The following ZNF451 variants were observed in gnomAD, a reference collection of about 807,000 sequenced individuals.
ZNF451 encodes the protein E3 SUMO-protein ligase ZNF451.
Under a neutral mutation model 107.1 loss-of-function variants are expected in ZNF451, and 80 were observed. That is an observed-to-expected ratio of 0.75 (90% CI 0.62 to 0.90). The LOEUF is 0.90. Among genes scored for constraint, ZNF451 ranks in the 40% least tolerant of loss-of-function variants. The pLI is 0.00. For synonymous variants in ZNF451, 362 were observed against 406.5 expected, an observed-to-expected ratio of 0.89 and a Z score of 1.32; for missense variants, 1,107 against 1,236.2, an observed-to-expected ratio of 0.90 and a Z score of 1.57.
At chr6:57,101,433 A>C in intron 3 of ZNF451, 1 of 1,550,774 alleles carries the variant, frequency 6.4e-7, no homozygotes, top group Non-Finnish European at 8.7e-7. Context: ...CTCCTTTCCA[A>C]CCAAACCCAC....
rs1029126729 is a variant in ZNF451, at chr6:57,106,659, G to A, written c.186+7518G>A. ...GTGAGGCATATTTTGCCACAGTCTC[G>A]CACTGTTTAGGTTCTCTTGTCTTTT... On this transcript the variant is annotated intron_variant, in intron 3 of 14. Coordinates refer to ENST00000370706, the MANE Select transcript of ZNF451 (RefSeq NM_001031623.3). 35 of 979,860 alleles carry A rather than the reference G, an allele frequency of 3.6e-5. No individual in the cohort carries two copies. In the African/African-American group the frequency reaches 3.6e-4, roughly 10 times the overall value. 60.7% of individuals were successfully genotyped at this position (979,860 alleles called of 1,614,324 possible). A position where few individuals can be genotyped will look rare whatever the true frequency, so the allele number is the denominator to read the frequency against.
Position 57,154,033 on chromosome 6 carries a change from C to T in ZNF451, c.3056C>T (p.Ser1019Phe). The change falls in exon 13 of 15, where the codon TCT becomes TTT. Residue 1019 changes from serine to phenylalanine, a missense_variant. Ser to Phe is a radical substitution (Grantham distance 155, BLOSUM62 -2). This residue lies in a region of ZNF451 where 151 missense variants were observed against 173.3 expected (regional missense o/e 0.87). Transcript: ENST00000370706. ...ATGTGTGCCTTGTTAAATAGCATATCTGATACCACCAAAGGTACGCAGCTG... is the reference window on the plus strand; with the variant it reads ...ATGTGTGCCTTGTTAAATAGCATATTTGATACCACCAAAGGTACGCAGCTG... Reference protein sequence around the residue: ...DMMCALLNSISDTTKECDSDD... With the variant: ...DMMCALLNSIFDTTKECDSDD... 6.2e-7 allele frequency: 1 copy of T among 1,614,168 alleles called. No individual in the cohort carries two copies. The highest frequency in any genetic ancestry group is 1.1e-5 in the South Asian group (1 of 91,086).
At chr6:57,139,528 A>G (rs557247023) in intron 7 of ZNF451, among the ~76,000 whole-genome samples, 2 of 152,354 alleles carry the variant, frequency 1.3e-5, no homozygotes, top group African/African-American at 4.8e-5. Context: ...TCTAGTGTTA[A>G]TGATAGTAAA....
chr6:57,147,780 G>A lies in ZNF451; in HGVS notation c.1695G>A (p.Glu565=). The change falls in exon 10 of 15, where the codon GAG becomes GAA. Residue 565 remains glutamate (E), a synonymous_variant. Coordinates refer to ENST00000370706, the MANE Select transcript of ZNF451 (RefSeq NM_001031623.3). ...ACAGATATTTTTATGAGATGGATGAGGTAGAAGGTGAAACTTTGCCATCAT... is the reference window on the plus strand; with the variant it reads ...ACAGATATTTTTATGAGATGGATGAAGTAGAAGGTGAAACTTTGCCATCAT... ...NGHRYFYEMD[E]VEGETLPSSS... The A allele has an allele frequency of 6.2e-7, 1 of 1,613,832 alleles. No homozygotes were observed. The highest frequency in any genetic ancestry group is 1.1e-5 in the South Asian group (1 of 91,074).
At chr6:57,115,301 C>T (rs1329013439) in intron 3 of ZNF451, 1 of 152,070 alleles carries the variant, frequency 6.6e-6, no homozygotes, top group African/African-American at 2.4e-5. Flanking sequence ...TCTATTAGTA[C>T]TAATAGGGAA....
Position 57,150,700 on chromosome 6 carries a change from G to A in ZNF451, c.2609-19G>A. On this transcript the variant is annotated intron_variant, in intron 10 of 14. Transcript: ENST00000370706. ...AGCAAATTCTTACTGAACTCATGTTGATATTTCTCTCTTCTCAGAGGAAGA... is the reference window on the plus strand; with the variant it reads ...AGCAAATTCTTACTGAACTCATGTTAATATTTCTCTCTTCTCAGAGGAAGA... 1 of 1,581,654 alleles carries A rather than the reference G, an allele frequency of 6.3e-7. No homozygotes were observed. The highest frequency in any genetic ancestry group is 2.2e-5 in the East Asian group (1 of 44,546).
At chr6:57,159,460 T>TTA in intron 13 of ZNF451, 1 of 911,702 alleles carries the variant, frequency 1.1e-6, no homozygotes, top group Non-Finnish European at 1.3e-6. Flanking sequence ...GGGCCACATG[T>TTA]GGCCCAGTTC....
chr6:57,110,136 C>G (rs1286811837), intron 3 of ZNF451, among the ~76,000 whole-genome samples: 2 of 152,100 alleles, frequency 1.3e-5, no homozygotes, highest in Non-Finnish European at 2.9e-5. Context: ...GGTGGAGAAA[C>G]AGGAGCCAGA....
At chr6:57,127,611 C>T (rs1037940543) in intron 4 of ZNF451, among the ~76,000 whole-genome samples, 1 of 152,118 alleles carries the variant, frequency 6.6e-6, no homozygotes, top group African/African-American at 2.4e-5. Context: ...TGATTATACT[C>T]GTTAGGGCAT....
At chr6:57,100,392 G>C (rs1175528538) in intron 3 of ZNF451, among the ~76,000 whole-genome samples, 1 of 152,058 alleles carries the variant, frequency 6.6e-6, no homozygotes. Context: ...GCCAGTAGTT[G>C]ATTTTGGGTC....
chr6:57,091,327 A>T (rs1593065646), intron 2 of ZNF451: 1 of 102,032 alleles, frequency 9.8e-6, no homozygotes, highest in South Asian at 4.1e-4. Flanking sequence ...AGATTTCTCT[A>T]ACCTCTGAGA....
Position 57,152,279 on chromosome 6 carries a change from G to T in ZNF451, c.2811G>T (p.Arg937Ser). 1 of 1,613,984 alleles carries T rather than the reference G, an allele frequency of 6.2e-7. No individual in the cohort carries two copies. The highest frequency in any genetic ancestry group is 8.5e-7 in the Non-Finnish European group (1 of 1,179,958). Reference sequence around the variant, plus strand: ...GTAAGATTTATAACTACCTGAACAGGATTGGATGCTTCTTCCTTCATCCTC... The same window carrying T: ...GTAAGATTTATAACTACCTGAACAGTATTGGATGCTTCTTCCTTCATCCTC... ...LNCKIYNYLN[R>S]IGCFFLHPRC... is the part of the protein sequence containing the mutation. Residue 937 changes from arginine (R) to serine (S), a missense_variant, in exon 12 of 15, where the codon AGG (arginine) becomes AGT (serine). Arg to Ser is a moderately radical substitution (Grantham distance 110). Transcript: ENST00000370706.
At chr6:57,158,239 C>T (rs1763521382) in intron 13 of ZNF451, among the ~76,000 whole-genome samples, 1 of 152,204 alleles carries the variant, frequency 6.6e-6, no homozygotes, top group Non-Finnish European at 1.5e-5. Flanking sequence ...CTGGCTTTAA[C>T]CATGTCCTTG....
At chr6:57,153,664 T>C (rs144265280) in intron 12 of ZNF451, among the ~76,000 whole-genome samples, 197 bp from the exon 13 acceptor site, 2 of 152,046 alleles carry the variant, frequency 1.3e-5, no homozygotes, top group African/African-American at 4.8e-5. Flanking sequence ...CCACCTGCTT[T>C]AGCCTCCCAA....
chr6:57,166,021 A>C (rs1763880174), intron 14 of ZNF451, among the ~76,000 whole-genome samples: 1 of 151,776 alleles, frequency 6.6e-6, no homozygotes, highest in African/African-American at 2.4e-5. Flanking sequence ...CTGTACGATT[A>C]GGCTATACTA....
At chr6:57,091,693 C>A (rs9367706) in intron 2 of ZNF451, among the ~76,000 whole-genome samples, 16,891 of 152,076 alleles carry the variant, frequency 0.11, 1,098 homozygotes, top group African/African-American at 0.17. Context: ...TATCTCAGCT[C>A]GCCAGGCAGA....
intron 14 of ZNF451, among the ~76,000 whole-genome samples, chr6:57,162,635 T>TA (rs1297747896): frequency 6.6e-6 from 1 of 152,224 alleles, no homozygotes; most frequent in Non-Finnish European, 1.5e-5. Context: ...CACTAAAAGA[T>TA]AAACAGTACT....
rs2127990646 is a variant in ZNF451, at chr6:57,168,578, G to C, written c.*109G>C. ...GAAATCCACTATTACAAATGTATTTGAAAACATGTTTTTGCTTTCATATGT... is the reference window on the plus strand; with the variant it reads ...GAAATCCACTATTACAAATGTATTTCAAAACATGTTTTTGCTTTCATATGT... On this transcript the variant is annotated 3_prime_UTR_variant, in exon 15 of 15. Transcript: ENST00000370706. 1 of 889,142 alleles carries C rather than the reference G, an allele frequency of 1.1e-6. No homozygotes were observed. Among genetic ancestry groups the C allele is most frequent in the East Asian group, 2.6e-5 (1 of 38,936 alleles). The allele number at this position is 889,142 out of a possible 1,614,324, so 55.1% of individuals were successfully genotyped here.
Position 57,147,944 on chromosome 6 carries a change from A to G in ZNF451, c.1859A>G (p.Tyr620Cys), listed in dbSNP as rs567926496. The part of the protein sequence containing the change: ...ICEDMFDSQE[Y>C]VKQHCMSLAS... ...GAAGATATGTTTGATTCCCAGGAAT[A>G]TGTAAAACAGCACTGCATGTCTTTG... The change falls in exon 10 of 15, where the codon TAT (tyrosine) becomes TGT (cysteine). Residue 620 changes from tyrosine (Y) to cysteine (C), a missense_variant. Tyr to Cys is a radical substitution (Grantham distance 194). This residue lies in a region of ZNF451 where 608 missense variants were observed against 649.2 expected (regional missense o/e 0.94). Coordinates refer to ENST00000370706, the MANE Select transcript of ZNF451 (RefSeq NM_001031623.3). 5.1e-5 allele frequency: 82 copies of G among 1,614,164 alleles called. 1 individual carries two copies. In the South Asian group the frequency reaches 8.2e-4, roughly 16 times the overall value.
Sources: gnomAD v4.1 joint callset for allele counts (sites outside exome capture counted in the v4.1 genomes callset) on GRCh38, gnomAD v4.1.1 for gene constraint, gnomAD v4.1.1 regional missense constraint, MANE v1.5 for transcripts, NCBI Gene and HGNC (gene_info 2026-07-23, HGNC 2026-07-21) for gene names.